The following FSTL4 variants were observed in gnomAD, a reference collection of about 807,000 sequenced individuals.
FSTL4 encodes the protein follistatin like 4.
Under a neutral mutation model 78.2 loss-of-function variants are expected in FSTL4, and 28 were observed. That is an observed-to-expected ratio of 0.36 (90% CI 0.27 to 0.49). The LOEUF is 0.49. FSTL4 is among the 20% of genes least tolerant of loss of function. The pLI is 0.98. For missense variants in FSTL4, 922 were observed against 1,084.9 expected (o/e 0.85, Z 2.11); for synonymous variants, 422 against 440.5 (o/e 0.96, Z 0.53).
In FSTL4 at chr5:133,454,182, C is replaced by A. The variant is rs182662909; in HGVS notation, c.161-53196G>T. 2.3e-3 allele frequency among the ~76,000 whole-genome samples: 354 copies of A among 151,950 alleles called. 3 individuals carry two copies. Among genetic ancestry groups the A allele is most frequent in the African/African-American group, 7.4e-3 (305 of 41,454 alleles). On this transcript the variant is annotated intron_variant, in intron 3 of 15. Coordinates refer to ENST00000265342, the MANE Select transcript of FSTL4 (RefSeq NM_015082.2). ...CTAGCAACCAAAAAAGAAAAAAAAA[C>A]AACAACAACTAGGACATAAAAATTA...
Position 133,205,922 on chromosome 5 carries a change from C to T in FSTL4, c.1717-3880G>A, listed in dbSNP as rs565482199. On this transcript the variant is annotated intron_variant, in intron 14 of 15. Transcript: ENST00000265342. ...TAGGAAATGAGTCGGAGTCAGACAC[C>T]CCGAGCACAAACTAGCGCAACCCCA... Among the ~76,000 whole-genome samples the T allele has an allele frequency of 3.3e-5, 5 of 152,254 alleles. No individual in the cohort carries two copies. The East Asian group carries it at 9.7e-4, about 29-fold the overall frequency.
rs1307945768 is a variant in FSTL4, at chr5:133,225,131, T to A, written c.1312+19A>T. 1 of 1,614,020 alleles carries A rather than the reference T, an allele frequency of 6.2e-7. No individual in the cohort carries two copies. Among genetic ancestry groups the A allele is most frequent in the Admixed American group, 1.7e-5 (1 of 60,000 alleles). On this transcript the variant is annotated intron_variant, in intron 10 of 15. Transcript: ENST00000265342. The surrounding 1 kb of genome is among the most constrained non-coding windows in gnomAD (Gnocchi z 4.6). ...CTCCCAGCCAGCTCAGTGAGAAGCATAAACGCGTGTCGACTTACGGGTCTT... is the reference window on the plus strand; with the variant it reads ...CTCCCAGCCAGCTCAGTGAGAAGCAAAAACGCGTGTCGACTTACGGGTCTT...
the FSTL4 span, among the ~76,000 whole-genome samples, chr5:133,729,442 T>C: frequency 1.3e-5 from 2 of 152,182 alleles, no homozygotes; most frequent in Admixed American, 1.3e-4. Flanking sequence ...GTTAAATAAA[T>C]AATGCATATG....
intron 3 of FSTL4, among the ~76,000 whole-genome samples, chr5:133,490,975 T>C (rs546220730): frequency 1.2e-4 from 18 of 151,956 alleles, no homozygotes; most frequent in Admixed American, 5.2e-4. Flanking sequence ...ATGAAAGGAG[T>C]GTAAGGACTG....
At chr5:133,509,865 C>T (rs975719854) in intron 3 of FSTL4, among the ~76,000 whole-genome samples, 1 of 152,248 alleles carries the variant, frequency 6.6e-6, no homozygotes, top group Non-Finnish European at 1.5e-5. Context: ...GACCCAGAGC[C>T]TTGACCCTGA....
At position 133,437,544 on chromosome 5, in the gene FSTL4, C is replaced by A. The variant is rs1274385157; in HGVS notation, c.161-36558G>T. ...TCACCCTGTTGCCCAGGCTGGAGTG[C>A]AATGGTGCAATCTTGGCTCACTGCA... is the stretch of plus-strand genomic sequence containing the variant. On this transcript the variant is annotated intron_variant, in intron 3 of 15. Transcript: ENST00000265342. Among the ~76,000 whole-genome samples, 3 of 129,036 alleles carry A rather than the reference C, an allele frequency of 2.3e-5. No individual in the cohort carries two copies. In the East Asian group the frequency reaches 7.0e-4, roughly 30 times the overall value. The allele number at this position is 129,036 out of a possible 152,430, so 84.7% of individuals were successfully genotyped here.
At chr5:133,741,178 G>A in the FSTL4 span, among the ~76,000 whole-genome samples, 7 of 152,168 alleles carry the variant, frequency 4.6e-5, no homozygotes, top group Non-Finnish European at 8.8e-5. Context: ...CACAATCCTG[G>A]TCAACCAAGT....
At position 133,217,341 on chromosome 5, in the gene FSTL4, T is replaced by A. The variant is rs1340215038; in HGVS notation, c.1496A>T (p.Gln499Leu). Residue 499 changes from glutamine to leucine, a missense_variant, in exon 13 of 16, where the codon CAG becomes CTG. Physicochemically the swap from Gln to Leu is moderately radical, Grantham distance 113 (BLOSUM62 -2). Coordinates refer to ENST00000265342, the MANE Select transcript of FSTL4 (RefSeq NM_015082.2). The part of the protein sequence containing the change: ...ICPQREKNAT[Q>L]PCQWVSAVNV... ...GACTGCAGATACCCACTGGCAGGGCTGGGTTGCATTTTTTTCTCTTTGAGG... is the reference window on the plus strand; with the variant it reads ...GACTGCAGATACCCACTGGCAGGGCAGGGTTGCATTTTTTTCTCTTTGAGG... 3.1e-6 allele frequency: 5 copies of A among 1,614,044 alleles called. No individual in the cohort carries two copies. The highest frequency in any genetic ancestry group is 2.7e-5 in the African/African-American group (2 of 74,926).
intron 2 of FSTL4, among the ~76,000 whole-genome samples, chr5:133,581,769 C>T (rs1760416017): frequency 6.6e-6 from 1 of 152,258 alleles, no homozygotes; most frequent in South Asian, 2.1e-4. Flanking sequence ...GGGTGGGACA[C>T]AGGCATCAGC....
At chr5:133,402,554 G>C (rs25739) in intron 3 of FSTL4, among the ~76,000 whole-genome samples, 70,318 of 151,582 alleles carry the variant, frequency 0.46, 16,396 homozygotes, top group South Asian at 0.49. Flanking sequence ...TTAGCCCCGG[G>C]TCCTACCCAT....
At chr5:133,420,638 A>T (rs1205127649) in intron 3 of FSTL4, among the ~76,000 whole-genome samples, 1 of 152,174 alleles carries the variant, frequency 6.6e-6, no homozygotes, top group Non-Finnish European at 1.5e-5. Context: ...TAGCAGCAGG[A>T]GCAAGAGGAC....
At chr5:133,656,018 T>C in the FSTL4 span, among the ~76,000 whole-genome samples, 1 of 152,220 alleles carries the variant, frequency 6.6e-6, no homozygotes, top group African/African-American at 2.4e-5. Context: ...GTCACTATGC[T>C]GTGCTGATTC....
intron 3 of FSTL4, among the ~76,000 whole-genome samples, chr5:133,448,376 G>A (rs757299769): frequency 2.0e-5 from 3 of 152,198 alleles, no homozygotes; most frequent in Admixed American, 1.3e-4. Flanking sequence ...GGGGGCCCCC[G>A]TATGCTGCCA....
intron 1 of FSTL4, among the ~76,000 whole-genome samples, chr5:133,609,535 G>C (rs1260970465): frequency 6.6e-6 from 1 of 152,198 alleles, no homozygotes; most frequent in Non-Finnish European, 1.5e-5. Flanking sequence ...AAGTGGTACA[G>C]ATTTCCTAAG....
At chr5:133,407,798 A>G (rs572443147) in intron 3 of FSTL4, among the ~76,000 whole-genome samples, 7 of 152,242 alleles carry the variant, frequency 4.6e-5, no homozygotes, top group Non-Finnish European at 7.3e-5. Flanking sequence ...AACACCAAAC[A>G]CAAGTGCCAA....
the FSTL4 span, among the ~76,000 whole-genome samples, chr5:133,729,382 T>A: frequency 2.6e-5 from 4 of 152,192 alleles, no homozygotes; most frequent in Non-Finnish European, 5.9e-5. Context: ...TACGTCTCTT[T>A]CCTCATTTGT....
At chr5:133,635,417 TG>T in the FSTL4 span, among the ~76,000 whole-genome samples, 3 of 152,254 alleles carry the variant, frequency 2.0e-5, no homozygotes, top group African/African-American at 7.2e-5. Context: ...GCTACATCCC[TG>T]ATATATGTAT....
chr5:133,507,928 G>A (rs980002107), intron 3 of FSTL4, among the ~76,000 whole-genome samples: 2 of 152,148 alleles, frequency 1.3e-5, no homozygotes, highest in African/African-American at 4.8e-5. Flanking sequence ...ACAGCACACT[G>A]TGTGAGGTAT....
chr5:133,240,704 T>C (rs565888784), intron 7 of FSTL4, among the ~76,000 whole-genome samples: 1 of 151,134 alleles, frequency 6.6e-6, no homozygotes, highest in Non-Finnish European at 1.5e-5. Flanking sequence ...CTCATCTCTT[T>C]GTGCATGACT....
Sources: allele counts gnomAD v4.1 joint callset (sites outside exome capture counted in the v4.1 genomes callset), GRCh38; gene constraint gnomAD v4.1.1; non-coding constraint Gnocchi (gnomAD v3.1); transcripts MANE v1.5; gene names NCBI Gene and HGNC (gene_info 2026-07-23, HGNC 2026-07-21).